The following VEGFD variants were observed in gnomAD, a reference collection of about 807,000 sequenced individuals.
VEGFD encodes the protein vascular endothelial growth factor D.
In VEGFD, 26 loss-of-function variants were observed where a neutral mutation model predicts 28.0. The ratio of observed to expected loss-of-function variants is 0.93; its 90% CI spans 0.68 to 1.29. The LOEUF is 1.29. VEGFD is among the 50% of genes most tolerant of loss of function. The pLI is 0.00. For missense variants in VEGFD, 294 were observed against 273.4 expected, an observed-to-expected ratio of 1.08 and a Z score of -0.53; for synonymous variants, 93 against 95.5, an observed-to-expected ratio of 0.97 and a Z score of 0.15.
At chrX:15,365,946 T>A (rs1171608858) in intron 1 of VEGFD, among the ~76,000 whole-genome samples, 1 of 112,049 alleles carries the variant, frequency 8.9e-6, no homozygotes, top group Non-Finnish European at 1.9e-5. Context: ...CATTTCTACT[T>A]CATTCTTCTT....
At chrX:15,355,095 T>G in intron 4 of VEGFD, 55 bp downstream of exon 4, 1 of 1,044,854 alleles carries the variant, frequency 9.6e-7, no homozygotes. Context: ...CACACAGTTT[T>G]GGCAAGGCAA....
intron 1 of VEGFD, among the ~76,000 whole-genome samples, chrX:15,365,499 C>A (rs753506315): frequency 8.9e-6 from 1 of 111,974 alleles, no homozygotes; most frequent in South Asian, 3.7e-4. Context: ...TAGCCTGCTG[C>A]CTGCCTGTTT....
In VEGFD at chrX:15,347,346, G is replaced by A. The variant is rs1305795375; in HGVS notation, c.756C>T (p.Leu252=). 3 of 1,206,075 alleles carry A rather than the reference G, an allele frequency of 2.5e-6. No homozygotes were observed. In the African/African-American group the frequency reaches 5.3e-5, roughly 21 times the overall value. Residue 252 remains leucine (L), a synonymous_variant, in exon 6 of 7, where the codon CTC becomes CTT. Transcript: ENST00000297904. ...PLAGTEDHSH[L]QEPALCGPHM... Reference sequence around the variant, plus strand: ...GTGGCCCACAGAGAGCTGGTTCCTGGAGATGAGAGTGGTCTAAAGAGAAAC... The same window carrying A: ...GTGGCCCACAGAGAGCTGGTTCCTGAAGATGAGAGTGGTCTAAAGAGAAAC...
chrX:15,368,027 A>G (rs866742579), intron 1 of VEGFD, among the ~76,000 whole-genome samples: 3 of 83,070 alleles, frequency 3.6e-5, no homozygotes, highest in African/African-American at 5.0e-5. Flanking sequence ...AGAAAGAAAG[A>G]AAGGAAAGAA....
chrX:15,346,816 A>G (rs1922561836), intron 6 of VEGFD, among the ~76,000 whole-genome samples: 1 of 110,720 alleles, frequency 9.0e-6, no homozygotes, highest in Non-Finnish European at 1.9e-5. Flanking sequence ...CTGTAATCCC[A>G]GCTACTTGGG....
At chrX:15,351,703 T>A (rs1602221828) in intron 5 of VEGFD, among the ~76,000 whole-genome samples, 1 of 112,529 alleles carries the variant, frequency 8.9e-6, no homozygotes, top group Non-Finnish European at 1.9e-5. Flanking sequence ...TAAATTGAGA[T>A]GTGCTGTAAG....
At chrX:15,382,346 A>ATAAATAAAT in intron 1 of VEGFD, among the ~76,000 whole-genome samples, 1 of 110,679 alleles carries the variant, frequency 9.0e-6, no homozygotes, top group Non-Finnish European at 1.9e-5. Flanking sequence ...AAATAAATAA[A>ATAAATAAAT]ACTTCACAGT....
chrX:15,379,832 C>T (rs1279277277), intron 1 of VEGFD, among the ~76,000 whole-genome samples: 1 of 111,760 alleles, frequency 8.9e-6, no homozygotes, highest in Admixed American at 9.5e-5. Context: ...TATTCTCATT[C>T]CAGAAATTGT....
At chrX:15,383,033 G>A (rs1225115468) in intron 1 of VEGFD, among the ~76,000 whole-genome samples, 6 of 111,789 alleles carry the variant, frequency 5.4e-5, no homozygotes, top group Admixed American at 3.8e-4. Context: ...GAAAATGCAC[G>A]TCCTAAACAA....
At chrX:15,348,442 G>A (rs186379030) in intron 5 of VEGFD, among the ~76,000 whole-genome samples, 1 of 112,074 alleles carries the variant, frequency 8.9e-6, no homozygotes, top group African/African-American at 3.2e-5. Context: ...GCATTAAAAG[G>A]TTCCCTTCCC....
At chrX:15,350,956 G>C (rs1390789735) in intron 5 of VEGFD, among the ~76,000 whole-genome samples, 3 of 100,568 alleles carry the variant, frequency 3.0e-5, no homozygotes, top group Non-Finnish European at 6.0e-5. Flanking sequence ...CTGCCTCCCA[G>C]GTTCAAGAGA....
chrX:15,379,875 G>T (rs776439166), intron 1 of VEGFD, among the ~76,000 whole-genome samples: 1 of 111,764 alleles, frequency 8.9e-6, no homozygotes, highest in Non-Finnish European at 1.9e-5. Flanking sequence ...TTATCCACAG[G>T]TCTAAAACAG....
At chrX:15,359,324 C>A (rs4347125) in intron 2 of VEGFD, among the ~76,000 whole-genome samples, 26 of 102,155 alleles carry the variant, frequency 2.5e-4, no homozygotes, top group African/African-American at 8.5e-4. Flanking sequence ...TTCTCACACA[C>A]ACTCTCTCTC....
At chrX:15,382,997 C>G (rs1251925361) in intron 1 of VEGFD, among the ~76,000 whole-genome samples, 3 of 111,616 alleles carry the variant, frequency 2.7e-5, no homozygotes, top group Non-Finnish European at 5.6e-5. Context: ...CAATTTTCCC[C>G]TGCTGGGGGC....
chrX:15,369,926 T>C (rs755030847), intron 1 of VEGFD, among the ~76,000 whole-genome samples: 20 of 112,391 alleles, frequency 1.8e-4, no homozygotes, highest in Non-Finnish European at 3.4e-4. Flanking sequence ...AGTTGAACAA[T>C]GGAATATTAT....
chrX:15,368,823 A>G (rs1295562140), intron 1 of VEGFD, among the ~76,000 whole-genome samples: 2 of 112,145 alleles, frequency 1.8e-5, no homozygotes, highest in Non-Finnish European at 3.8e-5. Context: ...GGGTTACCAG[A>G]TCTCTGCTTT....
chrX:15,370,063 T>G (rs1923270458), intron 1 of VEGFD, among the ~76,000 whole-genome samples: 1 of 111,665 alleles, frequency 9.0e-6, no homozygotes, highest in Non-Finnish European at 1.9e-5. Flanking sequence ...AGCTTAGATG[T>G]TACCTACTCA....
intron 1 of VEGFD, among the ~76,000 whole-genome samples, chrX:15,371,757 T>C (rs1923313901): frequency 8.9e-6 from 1 of 112,359 alleles, no homozygotes; most frequent in Non-Finnish European, 1.9e-5. Context: ...TGCATTGTGC[T>C]CATTCCAAAT....
chrX:15,377,871 C>A (rs1923476079), intron 1 of VEGFD, among the ~76,000 whole-genome samples: 1 of 111,606 alleles, frequency 9.0e-6, no homozygotes, highest in South Asian at 3.8e-4. Context: ...CCAGATGAAC[C>A]AGGCTGGTCA....
Sources: allele counts gnomAD v4.1 joint callset (sites outside exome capture counted in the v4.1 genomes callset), GRCh38; gene constraint gnomAD v4.1.1; transcripts MANE v1.5; gene names NCBI Gene and HGNC (gene_info 2026-07-23, HGNC 2026-07-21).